The following PCM1 variants were observed in gnomAD, a reference collection of about 807,000 sequenced individuals.
The protein encoded by PCM1 is pericentriolar material 1 protein.
A neutral mutation model predicts 241.9 loss-of-function variants in PCM1; 157 were observed. That is an observed-to-expected ratio of 0.65 (90% CI 0.57 to 0.74). The LOEUF (loss-of-function observed/expected upper bound fraction) is 0.74, where lower values mean the gene tolerates loss of function less well. Ranked by LOEUF, PCM1 falls within the 30% of genes least tolerant of loss-of-function variation. The pLI is 0.00. For synonymous variants in PCM1, 1,085 were observed against 784.9 expected (o/e 1.38, Z -6.39); for missense variants, 3,478 against 2,360.1 (o/e 1.47, Z -9.81).
At position 18,011,704 on chromosome 8, in the gene PCM1, T is replaced by C. The variant is rs765429474; in HGVS notation, c.5388T>C (p.Tyr1796=). 3 of 1,612,778 alleles carry C rather than the reference T, an allele frequency of 1.9e-6. No individual in the cohort carries two copies. The highest frequency in any genetic ancestry group is 1.6e-4 in the Middle Eastern group (1 of 6,062). ...CTGAAACTCAGGCTTTAACTAATTA[T>C]GGAAGTGGAGAAGATGAAAATGAGG... ...SKAETQALTN[Y]GSGEDENEDE... is the part of the protein sequence containing the mutation. Residue 1796 remains tyrosine, a synonymous_variant, in exon 34 of 39, where the codon TAT becomes TAC. Coordinates refer to ENST00000325083, the MANE Select transcript of PCM1 (RefSeq NM_006197.4).
rs765075936 is a variant in PCM1 at position 18,010,643 on chromosome 8, C to G, written c.5195C>G (p.Ala1732Gly). 1 of 1,603,566 alleles carries G rather than the reference C, an allele frequency of 6.2e-7. No homozygotes were observed. The highest frequency in any genetic ancestry group is 1.3e-5 in the African/African-American group (1 of 74,110). The change falls in exon 32 of 39, where the codon GCT becomes GGT. Residue 1732 changes from alanine to glycine, a missense_variant. By Grantham distance (60) the Ala-to-Gly change is moderately conservative. Coordinates refer to ENST00000325083, the MANE Select transcript of PCM1 (RefSeq NM_006197.4). ...ATTCTTGAAGATCATGGCTCACCTGCTGGAGAGATTGATGATGAAGACAAA... is the reference window on the plus strand; with the variant it reads ...ATTCTTGAAGATCATGGCTCACCTGGTGGAGAGATTGATGATGAAGACAAA... ...KRILEDHGSP[A>G]GEIDDEDKDK...
chr8:17,999,894 T>TAA (rs1433476688), intron 29 of PCM1, among the ~76,000 whole-genome samples: 1 of 152,154 alleles, frequency 6.6e-6, no homozygotes, highest in Non-Finnish European at 1.5e-5. Context: ...AATGCCTACT[T>TAA]AATGCCAGGT....
chr8:17,957,184 T>C, intron 11 of PCM1, 80 bp from the exon 12 acceptor site: 2 of 1,129,114 alleles, frequency 1.8e-6, no homozygotes, highest in Non-Finnish European at 2.5e-6. Flanking sequence ...TGGTGTTATT[T>C]TATTAGCAGT....
chr8:17,957,272 A>G lies in PCM1; in HGVS notation c.1655A>G (p.Gln552Arg). Residue 552 changes from glutamine (Q) to arginine (R), a missense_variant, in exon 12 of 39, where the codon CAA (glutamine) becomes CGA (arginine). Gln to Arg is a conservative substitution (Grantham distance 43). Coordinates refer to ENST00000325083, the MANE Select transcript of PCM1 (RefSeq NM_006197.4). ...SEPVTNIRNP[Q>R]VASTWNEVNS... The stretch of plus-strand genomic sequence containing the variant: ...TGTTTTCTTTCTTCTAGAAATCCAC[A>G]AGTAGCTTCCACTTGGAATGAAGTA... 1 of 1,585,788 alleles carries G rather than the reference A, an allele frequency of 6.3e-7. No homozygotes were observed. Among genetic ancestry groups the G allele is most frequent in the Non-Finnish European group, 8.6e-7 (1 of 1,165,134 alleles).
chr8:17,926,496 GTATC>G (rs2057008025), intron 2 of PCM1: 1 of 152,168 alleles, frequency 6.6e-6, no homozygotes, highest in South Asian at 2.1e-4. Context: ...CATTTTAAAA[GTATC>G]TATGTGTATG....
chr8:18,018,100 G>C (rs1564421642), intron 36 of PCM1, among the ~76,000 whole-genome samples: 1 of 152,222 alleles, frequency 6.6e-6, no homozygotes, highest in Non-Finnish European at 1.5e-5. Flanking sequence ...ATCAAGTTCA[G>C]AGAATCCTCT....
intron 30 of PCM1, among the ~76,000 whole-genome samples, chr8:18,009,230 T>C (rs1331024813): frequency 1.3e-5 from 2 of 152,242 alleles, no homozygotes; most frequent in Non-Finnish European, 2.9e-5. Context: ...TACTGTAGTA[T>C]ATATTGTATC....
At chr8:18,007,989 TAATC>T (rs1431561635) in intron 30 of PCM1, among the ~76,000 whole-genome samples, 1 of 152,182 alleles carries the variant, frequency 6.6e-6, no homozygotes, top group African/African-American at 2.4e-5. Context: ...CAACCTAAAA[TAATC>T]AAAAGGGTCA....
intron 8 of PCM1, among the ~76,000 whole-genome samples, chr8:17,951,988 C>G (rs779838565): frequency 6.6e-6 from 1 of 151,928 alleles, no homozygotes; most frequent in African/African-American, 2.4e-5. Context: ...TTTGGGAGGC[C>G]GAGGCGGGTG....
intron 9 of PCM1, among the ~76,000 whole-genome samples, chr8:17,954,986 C>G (rs1219644412): frequency 6.6e-6 from 1 of 152,096 alleles, no homozygotes; most frequent in Non-Finnish European, 1.5e-5. Flanking sequence ...TCCCCCTGAT[C>G]TGTGGGTATG....
At chr8:18,009,840 A>C in intron 31 of PCM1, 96 bp downstream of exon 31, 5 of 786,068 alleles carry the variant, frequency 6.4e-6, no homozygotes, top group Non-Finnish European at 9.2e-6. Context: ...CCTCAGCAAA[A>C]GTAGTTGTTT....
chr8:17,985,872 A>G (rs2082411904), intron 25 of PCM1, 87 bp from the exon 26 acceptor site: 2 of 955,808 alleles, frequency 2.1e-6, no homozygotes, highest in South Asian at 4.3e-5. Flanking sequence ...TTTTCCTTCC[A>G]TCTGCTTTTA....
chr8:18,006,072 C>T, intron 29 of PCM1, 191 bp from the exon 30 acceptor site: 3 of 477,820 alleles, frequency 6.3e-6, no homozygotes, highest in Admixed American at 7.5e-5. Flanking sequence ...AATTGCCAAA[C>T]CTCTCAATAC....
At chr8:17,978,903 C>T (rs1002986740) in intron 23 of PCM1, among the ~76,000 whole-genome samples, 3 of 152,130 alleles carry the variant, frequency 2.0e-5, no homozygotes, top group Admixed American at 6.5e-5. Context: ...ACCAGGAAAT[C>T]TGTCAACATA....
intron 29 of PCM1, among the ~76,000 whole-genome samples, chr8:17,998,603 G>A (rs1160768866): frequency 6.6e-6 from 1 of 152,124 alleles, no homozygotes; most frequent in Non-Finnish European, 1.5e-5. Context: ...GACTGTGCTG[G>A]GTCATACCTA....
rs749648890 is a variant in PCM1 at position 18,029,268 on chromosome 8, A to G, written c.*1606A>G. 9.9e-5 allele frequency: 21 copies of G among 212,502 alleles called. No individual in the cohort carries two copies. In the Middle Eastern group the frequency reaches 4.6e-3, roughly 46 times the overall value. The allele number at this position is 212,502 out of a possible 1,614,324, so 13.2% of individuals were successfully genotyped here. On this transcript the variant is annotated 3_prime_UTR_variant, in exon 39 of 39. Coordinates refer to ENST00000325083, the MANE Select transcript of PCM1 (RefSeq NM_006197.4). Reference sequence around the variant, plus strand: ...CTGCGAGGACATTTACTGTATTGCTACTTAAATTATGGAAGACAATATATC... The same window carrying G: ...CTGCGAGGACATTTACTGTATTGCTGCTTAAATTATGGAAGACAATATATC...
rs567428271 is a variant in PCM1, at chr8:17,923,686, A to G, written c.-91+498A>G. 3.3e-5 allele frequency among the ~76,000 whole-genome samples: 5 copies of G among 152,038 alleles called. No homozygotes were observed. In the South Asian group the frequency reaches 8.3e-4, roughly 25 times the overall value. ...GCGGATGAGGAGCGACGCGACTCTG[A>G]AGAGTTGCAGTTGGGCTGTGAGCTG... On this transcript the variant is annotated intron_variant, in intron 1 of 38. Coordinates refer to ENST00000325083, the MANE Select transcript of PCM1 (RefSeq NM_006197.4).
At chr8:17,964,005 GTTC>G (rs2073775151) in intron 17 of PCM1, among the ~76,000 whole-genome samples, 1 of 152,206 alleles carries the variant, frequency 6.6e-6, no homozygotes, top group East Asian at 1.9e-4. Context: ...CTACACGTCT[GTTC>G]TTCTACAGAG....
intron 29 of PCM1, among the ~76,000 whole-genome samples, chr8:17,994,356 A>G (rs2085832919): frequency 6.6e-6 from 1 of 152,186 alleles, no homozygotes; most frequent in Non-Finnish European, 1.5e-5. Context: ...GTTGCAGATG[A>G]CAAGGTCTCA....
Sources: gnomAD v4.1 joint callset for allele counts (sites outside exome capture counted in the v4.1 genomes callset) on GRCh38, gnomAD v4.1.1 for gene constraint, MANE v1.5 for transcripts, NCBI Gene and HGNC (gene_info 2026-07-23, HGNC 2026-07-21) for gene names.